The following RBM39 variants were observed in gnomAD, a reference collection of about 807,000 sequenced individuals.
RBM39 encodes the protein RNA-binding protein 39.
Under a neutral mutation model 79.6 loss-of-function variants are expected in RBM39, and 12 were observed. The ratio of observed to expected loss-of-function variants is 0.15; its 90% confidence interval spans 0.10 to 0.24. The LOEUF (loss-of-function observed/expected upper bound fraction) is 0.24. Ranked by LOEUF, RBM39 falls within the 10% of genes least tolerant of loss-of-function variation. The pLI, the probability that RBM39 is intolerant of heterozygous loss-of-function variation, is 1.00. For missense variants in RBM39, 243 were observed against 653.4 expected, an observed-to-expected ratio of 0.37 and a Z score of 6.85; for synonymous variants, 185 against 208.4, an observed-to-expected ratio of 0.89 and a Z score of 0.97.
intron 9 of RBM39, among the ~76,000 whole-genome samples, chr20:35,721,137 T>C (rs895264503): frequency 2.0e-5 from 3 of 152,056 alleles, no homozygotes; most frequent in Non-Finnish European, 4.4e-5. Context: ...GACGTGGTTT[T>C]ACCATGTTGG....
chr20:35,725,721 G>A (rs1414694839), intron 6 of RBM39, among the ~76,000 whole-genome samples: 4 of 146,822 alleles, frequency 2.7e-5, no homozygotes, highest in South Asian at 4.3e-4. Flanking sequence ...GGAGTGCAAC[G>A]GCGCCATCTT....
At chr20:35,707,349 T>C in intron 13 of RBM39, 148 bp from the exon 14 acceptor site, 2 of 456,854 alleles carry the variant, frequency 4.4e-6, no homozygotes, top group South Asian at 3.8e-5. Flanking sequence ...TTGCTACTAA[T>C]GTATGTTATC....
At chr20:35,725,652 ATTTTCT>A (rs2038561044) in intron 6 of RBM39, among the ~76,000 whole-genome samples, 3 of 129,546 alleles carry the variant, frequency 2.3e-5, no homozygotes, top group Admixed American at 1.6e-4. Flanking sequence ...TCCCAAACCC[ATTTTCT>A]TTTTTTTTTT....
chr20:35,727,536 C>T (rs956785734), intron 6 of RBM39, among the ~76,000 whole-genome samples: 3 of 151,836 alleles, frequency 2.0e-5, no homozygotes, highest in Admixed American at 1.3e-4. Flanking sequence ...AGAGCAGTGG[C>T]GCAATCTCAG....
At chr20:35,732,998 C>A (rs2039531123) in intron 3 of RBM39, among the ~76,000 whole-genome samples, 1 of 152,066 alleles carries the variant, frequency 6.6e-6, no homozygotes, top group Admixed American at 6.6e-5. Flanking sequence ...ACCGTAATGA[C>A]AAAGGACAAT....
intron 11 of RBM39, chr20:35,713,666 C>CAAAAAAAAAAAAAAAAAAAAAAAAA (rs56909848): frequency 2.6e-4 from 9 of 34,730 alleles, no homozygotes; most frequent in African/African-American, 5.2e-4. Flanking sequence ...CCAACCAACA[C>CAAAAAAAAAAAAAAAAAAAAAAAAA]AAAAAAAAAA....
At chr20:35,724,453 G>C (rs1458401833) in intron 8 of RBM39, 117 bp downstream of exon 8, 8 of 899,252 alleles carry the variant, frequency 8.9e-6, no homozygotes, top group Non-Finnish European at 1.2e-5. Context: ...AAAAAGTCCT[G>C]AAAACATCCG....
intron 12 of RBM39, among the ~76,000 whole-genome samples, chr20:35,709,920 G>A (rs1216953174): frequency 2.0e-5 from 3 of 152,174 alleles, no homozygotes; most frequent in African/African-American, 7.2e-5. Context: ...AAAAATCTCT[G>A]GAGTTTTCTT....
At chr20:35,713,692 A>G (rs2036755512) in intron 11 of RBM39, 1 of 150,026 alleles carries the variant, frequency 6.7e-6, no homozygotes, top group African/African-American at 2.4e-5. Flanking sequence ...AAAAAAAAAA[A>G]AAAAACCACC....
In RBM39 at chr20:35,714,321, T is replaced by C. The variant is rs200796168; in HGVS notation, c.960A>G (p.Pro320=). 55 of 1,614,176 alleles carry C rather than the reference T, an allele frequency of 3.4e-5. 1 individual carries two copies. The Middle Eastern group carries it at 3.1e-3, about 92-fold the overall frequency. The change falls in exon 11 of 17, where the codon CCA becomes CCG. Residue 320 remains proline, a synonymous_variant. Coordinates refer to ENST00000253363, the MANE Select transcript of RBM39 (RefSeq NM_184234.3). The stretch of plus-strand genomic sequence containing the variant: ...GTTCAGTAACATGACCAACTTTCAT[T>C]GGTCTTCCTGCTAGTTCAAATCCAT... ...QLNGFELAGR[P]MKVGHVTERT...
intron 12 of RBM39, among the ~76,000 whole-genome samples, chr20:35,709,780 A>G (rs898967644): frequency 3.3e-5 from 5 of 152,238 alleles, no homozygotes; most frequent in African/African-American, 1.2e-4. Flanking sequence ...GAAATACACC[A>G]TTCCAACAGT....
At chr20:35,713,235 C>T in intron 11 of RBM39, 139 bp from the exon 12 acceptor site, 1 of 647,116 alleles carries the variant, frequency 1.5e-6, no homozygotes, top group South Asian at 2.2e-5. Context: ...TGTAACTTAG[C>T]TAGCACTCTG....
At chr20:35,732,717 T>A (rs2146694520) in intron 3 of RBM39, 1 of 153,206 alleles carries the variant, frequency 6.5e-6, no homozygotes, top group Middle Eastern at 3.4e-3. Context: ...AAAGGGCTTG[T>A]TGGCAAATAC....
chr20:35,709,967 T>C (rs918003021), intron 12 of RBM39, among the ~76,000 whole-genome samples: 2 of 152,144 alleles, frequency 1.3e-5, no homozygotes, highest in Non-Finnish European at 2.9e-5. Flanking sequence ...AAACATCTAA[T>C]CAGTATTAAA....
intron 5 of RBM39, 42 bp from the exon 6 acceptor site, chr20:35,729,407 A>G: frequency 5.0e-6 from 8 of 1,606,292 alleles, no homozygotes; most frequent in Non-Finnish European, 5.9e-6. Context: ...AAACAAGTAC[A>G]GCATGTTAGT....
At chr20:35,736,695 G>A (rs574654549) in intron 3 of RBM39, 1 of 422,792 alleles carries the variant, frequency 2.4e-6, no homozygotes, top group African/African-American at 2.1e-5. Context: ...TCTGTCTCCA[G>A]GCTGGAGTAC....
chr20:35,719,207 T>C (rs2037570345), intron 9 of RBM39, among the ~76,000 whole-genome samples: 1 of 152,082 alleles, frequency 6.6e-6, no homozygotes, highest in Non-Finnish European at 1.5e-5. Context: ...AATTTTTATA[T>C]TTTTAGTAGA....
At chr20:35,728,237 C>T (rs199661971) in intron 6 of RBM39, among the ~76,000 whole-genome samples, 3 of 151,980 alleles carry the variant, frequency 2.0e-5, no homozygotes, top group African/African-American at 7.3e-5. Context: ...TACTTCTCCA[C>T]GAGGCTATTT....
chr20:35,704,694 T>C lies in RBM39; in HGVS notation c.1466A>G (p.Asn489Ser), dbSNP rs199587566. ...AGCAAACCACCTGCCATGCAATGCA[T>C]TGACAGCAGCAATAGCTGCAGCAAT... is the stretch of plus-strand genomic sequence containing the variant. ...PSIAAAIAAV[N>S]ALHGRWFAGK... Residue 489 changes from asparagine (N) to serine (S), a missense_variant, in exon 16 of 17, where the codon AAT becomes AGT. By Grantham distance (46) the Asn-to-Ser change is conservative. Around this residue, in one of 4 missense-constraint regions of RBM39, gnomAD observed 48 missense variants for 130.2 expected, o/e 0.37. Transcript: ENST00000253363. 8.1e-5 allele frequency: 130 copies of C among 1,614,090 alleles called. No homozygotes were observed. Among genetic ancestry groups the C allele is most frequent in the Admixed American group, 2.8e-4 (17 of 60,026 alleles).
Sources: allele counts gnomAD v4.1 joint callset (sites outside exome capture counted in the v4.1 genomes callset), GRCh38; gene constraint gnomAD v4.1.1; regional missense constraint gnomAD v4.1.1; transcripts MANE v1.5; gene names NCBI Gene and HGNC (gene_info 2026-07-23, HGNC 2026-07-21).